Variants in C2CD3 observed in about 807,000 individuals in gnomAD.
The protein encoded by C2CD3 is C2 domain containing 3 centriole elongation regulator.
In C2CD3, 148 loss-of-function variants were observed where a neutral mutation model predicts 234.0. The observed-to-expected ratio is 0.63, with a 90% CI of 0.55 to 0.72. The LOEUF is 0.72. Among genes scored for constraint, C2CD3 ranks in the 30% least tolerant of loss-of-function variants. The pLI is 0.00. For synonymous variants in C2CD3, 1,000 were observed against 1,035.4 expected (o/e 0.97, Z 0.66); for missense variants, 2,577 against 2,811.5 (o/e 0.92, Z 1.89).
chr11:74,103,236 T>C lies in C2CD3; in HGVS notation c.2475A>G (p.Gln825=), dbSNP rs776073514. 1.9e-6 allele frequency: 3 copies of C among 1,614,070 alleles called. No individual in the cohort carries two copies. Among genetic ancestry groups the C allele is most frequent in the African/African-American group, 1.3e-5 (1 of 74,934 alleles). The stretch of plus-strand genomic sequence containing the variant: ...AATTTAAATAAACATTGCATGGTGA[T>C]TGTTTCTCAGATTCTCCACTAATAA... ...KDFISGESEK[Q]SPCNVYLNCK... Residue 825 remains glutamine (Q), a synonymous_variant, in exon 14 of 33, where the codon CAA becomes CAG. Coordinates refer to ENST00000334126, the MANE Select transcript of C2CD3 (RefSeq NM_001286577.2).
intron 31 of C2CD3, among the ~76,000 whole-genome samples, chr11:74,030,551 G>A (rs1237364409): frequency 2.0e-5 from 3 of 152,126 alleles, no homozygotes; most frequent in Non-Finnish European, 4.4e-5. Context: ...CTCTCTCTCC[G>A]CTGCTTCTCC....
At chr11:74,050,486 GAC>G (rs1953623540) in intron 26 of C2CD3, among the ~76,000 whole-genome samples, 1 of 152,148 alleles carries the variant, frequency 6.6e-6, no homozygotes, top group Non-Finnish European at 1.5e-5. Flanking sequence ...CGTAGCTGGG[GAC>G]ACACAGGTCT....
At chr11:74,076,382 T>C (rs905262937) in intron 23 of C2CD3, among the ~76,000 whole-genome samples, 1 of 152,040 alleles carries the variant, frequency 6.6e-6, no homozygotes, top group African/African-American at 2.4e-5. Context: ...GACTGTAGAG[T>C]GGGGGAAATA....
At position 74,035,816 on chromosome 11, in the gene C2CD3, T is replaced by C. The variant is rs113128161; in HGVS notation, c.5882-1538A>G. Among the ~76,000 whole-genome samples, 679 of 152,230 alleles carry C rather than the reference T, an allele frequency of 4.5e-3. 3 individuals are homozygous for C. Among genetic ancestry groups the C allele is most frequent in the Middle Eastern group, 0.034 (10 of 294 alleles). On this transcript the variant is annotated intron_variant, in intron 30 of 32. Transcript: ENST00000334126. ...TCAGTTGTCTGCTTGCTGAGAACTT[T>C]CCATTTCTTCCAGGATAAACATTAG...
chr11:74,057,630 C>T (rs1398122917), intron 24 of C2CD3, 86 bp from the exon 25 acceptor site: 7 of 1,356,988 alleles, frequency 5.2e-6, no homozygotes, highest in Non-Finnish European at 7.3e-6. Context: ...CTATTCCTGG[C>T]CCTCTTCTTC....
At chr11:74,166,361 T>C (rs920101767) in intron 2 of C2CD3, among the ~76,000 whole-genome samples, 1 of 151,790 alleles carries the variant, frequency 6.6e-6, no homozygotes, top group African/African-American at 2.4e-5. Flanking sequence ...AGTTGGACTG[T>C]CACTTATAAG....
chr11:74,078,121 CAGTT>C lies in C2CD3; in HGVS notation c.4593_4596del (p.Thr1532SerfsTer91), dbSNP rs1403514024. ...AATCAGGCTCCTCACTTACCACTGACAGTTAGCGTCCTCGCTGACCTCTCCCCAA... is the reference window on the plus strand; with the variant it reads ...AATCAGGCTCCTCACTTACCACTGACAGCGTCCTCGCTGACCTCTCCCCAA... On this transcript the variant is annotated frameshift_variant, in exon 23 of 33. Transcript: ENST00000334126. LOFTEE classifies it high-confidence loss of function. 8.7e-6 allele frequency: 14 copies of C among 1,612,552 alleles called. No individual in the cohort carries two copies. The highest frequency in any genetic ancestry group is 9.3e-6 in the Non-Finnish European group (11 of 1,179,206).
intron 2 of C2CD3, chr11:74,164,694 G>C (rs752560428): frequency 6.6e-6 from 1 of 152,132 alleles, no homozygotes; most frequent in Non-Finnish European, 1.5e-5. Context: ...AAATGTAAAG[G>C]TTTTCTCATT....
At chr11:74,057,288 AG>A in intron 25 of C2CD3, 117 bp downstream of exon 25, 1 of 979,978 alleles carries the variant, frequency 1.0e-6, no homozygotes, top group East Asian at 2.4e-5. Flanking sequence ...TGCTTGGATA[AG>A]AAAAGCATTT....
intron 18 of C2CD3, 50 bp downstream of exon 18, chr11:74,093,766 T>C (rs1445581962): frequency 6.7e-6 from 10 of 1,485,330 alleles, no homozygotes; most frequent in Non-Finnish European, 9.3e-6. Flanking sequence ...GGATGCTTTA[T>C]GATTGTGCAC....
In C2CD3 at chr11:74,098,055, C is replaced by T. The variant is rs542242783; in HGVS notation, c.2933G>A (p.Arg978Lys). ...TGGCTGGTCCAGGAAATGGGCTGGCCTAGGGCTGAAGGGAGGGAGTGTTCC... is the reference window on the plus strand; with the variant it reads ...TGGCTGGTCCAGGAAATGGGCTGGCTTAGGGCTGAAGGGAGGGAGTGTTCC... Reference protein sequence around the residue: ...EEGTLPPFSPRPAHFLDQPTA... With the variant: ...EEGTLPPFSPKPAHFLDQPTA... The change falls in exon 16 of 33, where the codon AGG becomes AAG. Residue 978 changes from arginine (R) to lysine (K), a missense_variant. Physicochemically the swap from Arg to Lys is conservative, Grantham distance 26 (BLOSUM62 2). Coordinates refer to ENST00000334126, the MANE Select transcript of C2CD3 (RefSeq NM_001286577.2). 1 of 1,614,098 alleles carries T rather than the reference C, an allele frequency of 6.2e-7. No individual in the cohort carries two copies. The highest frequency in any genetic ancestry group is 8.5e-7 in the Non-Finnish European group (1 of 1,179,972).
intron 3 of C2CD3, among the ~76,000 whole-genome samples, chr11:74,150,527 C>CAAAA (rs1265839513): frequency 1.8e-5 from 1 of 54,868 alleles, no homozygotes; most frequent in African/African-American, 7.9e-5. Context: ...AAAAAAAAAA[C>CAAAA]AAAACAAATT....
chr11:74,153,041 A>G (rs1293768835), intron 3 of C2CD3, among the ~76,000 whole-genome samples: 1 of 152,152 alleles, frequency 6.6e-6, no homozygotes, highest in African/African-American at 2.4e-5. Context: ...GCCAGCCAAC[A>G]TAGCGAAACC....
intron 20 of C2CD3, among the ~76,000 whole-genome samples, chr11:74,089,666 C>T (rs1334499774): frequency 6.6e-6 from 1 of 152,170 alleles, no homozygotes; most frequent in African/African-American, 2.4e-5. Flanking sequence ...CTCTTTCTTA[C>T]TGGGTGCCTG....
At chr11:74,048,445 G>A (rs1487393947) in intron 27 of C2CD3, 107 bp from the exon 28 acceptor site, 8 of 1,140,980 alleles carry the variant, frequency 7.0e-6, no homozygotes, top group Non-Finnish European at 8.7e-6. Context: ...TTAATTTACT[G>A]AATACTTTGT....
chr11:74,071,206 T>C (rs946001016), intron 24 of C2CD3, among the ~76,000 whole-genome samples: 2 of 152,274 alleles, frequency 1.3e-5, no homozygotes, highest in South Asian at 4.1e-4. Flanking sequence ...TTTATGAATA[T>C]GAGACATAAC....
At chr11:74,104,831 A>C (rs1445511036) in intron 13 of C2CD3, among the ~76,000 whole-genome samples, 1 of 152,144 alleles carries the variant, frequency 6.6e-6, no homozygotes. Flanking sequence ...TCTATCCAGA[A>C]TAGTATTTCT....
chr11:74,033,599 G>C lies in C2CD3; in HGVS notation c.6561C>G (p.Ser2187Arg). 1 of 1,536,184 alleles carries C rather than the reference G, an allele frequency of 6.5e-7. No homozygotes were observed. Among genetic ancestry groups the C allele is most frequent in the Non-Finnish European group, 8.7e-7 (1 of 1,146,920 alleles). ...CPTLSGAQQS[S>R]TFVGWSSPQT... ...GTGGTGAGCTCCATCCAACAAACGTGCTGCTCTGTTGAGCTCCTGAGAGTG... is the reference window on the plus strand; with the variant it reads ...GTGGTGAGCTCCATCCAACAAACGTCCTGCTCTGTTGAGCTCCTGAGAGTG... Residue 2187 changes from serine to arginine, a missense_variant, in exon 31 of 33, where the codon AGC (serine) becomes AGG (arginine). Coordinates refer to ENST00000334126, the MANE Select transcript of C2CD3 (RefSeq NM_001286577.2).
At chr11:74,164,689 T>C (rs1313273864) in intron 2 of C2CD3, 1 of 152,230 alleles carries the variant, frequency 6.6e-6, no homozygotes, top group Non-Finnish European at 1.5e-5. Flanking sequence ...ATTTAAAATG[T>C]AAAGGTTTTC....
Sources: allele counts gnomAD v4.1 joint callset (sites outside exome capture counted in the v4.1 genomes callset), GRCh38; gene constraint gnomAD v4.1.1; transcripts MANE v1.5; gene names NCBI Gene and HGNC (gene_info 2026-07-23, HGNC 2026-07-21).